DCAF1: variants seen among roughly 807,000 people sequenced by gnomAD.
DCAF1 encodes DDB1 and CUL4 associated factor 1.
Under a neutral mutation model 128.0 loss-of-function variants are expected in DCAF1, and 15 were observed. The observed-to-expected ratio is 0.12, with a 90% CI of 0.08 to 0.18. The LOEUF is 0.18. DCAF1 is among the 10% of genes least tolerant of loss of function. DCAF1 has a pLI of 1.00. For synonymous variants in DCAF1, 610 were observed against 603.0 expected, an observed-to-expected ratio of 1.01 and a Z score of -0.17; for missense variants, 988 against 1,649.5, an observed-to-expected ratio of 0.60 and a Z score of 6.95.
chr3:51,430,961 C>T (rs549323490), intron 10 of DCAF1, among the ~76,000 whole-genome samples: 4 of 152,256 alleles, frequency 2.6e-5, no homozygotes, highest in Non-Finnish European at 5.9e-5. Flanking sequence ...AGGAGCCCAT[C>T]GCTTTTCAAA....
intron 23 of DCAF1, among the ~76,000 whole-genome samples, chr3:51,410,507 A>ATAGCTAAATCTGAAAC: frequency 6.6e-6 from 1 of 151,952 alleles, no homozygotes; most frequent in East Asian, 1.9e-4. Context: ...AGTAAAACAC[A>ATAGCTAAATCTGAAAC]TAGCTAAATC....
intron 11 of DCAF1, 79 bp downstream of exon 11, chr3:51,429,954 T>C: frequency 1.4e-6 from 1 of 720,520 alleles, no homozygotes; most frequent in Non-Finnish European, 2.6e-6. Flanking sequence ...CTTCCTTTCT[T>C]CAAGGGTGTG....
At chr3:51,402,634 G>A (rs1313000329) in intron 24 of DCAF1, among the ~76,000 whole-genome samples, 1 of 138,820 alleles carries the variant, frequency 7.2e-6, no homozygotes, top group African/African-American at 2.8e-5. Flanking sequence ...GAGTGCAGTG[G>A]CACGATCTCG....
intron 18 of DCAF1, 49 bp downstream of exon 18, chr3:51,416,738 G>A (rs568074480): frequency 2.7e-5 from 43 of 1,567,486 alleles, no homozygotes; most frequent in Non-Finnish European, 3.7e-5. Flanking sequence ...ATTTCAGTAT[G>A]AACAAATGGG....
rs372337402 is a variant in DCAF1, at chr3:51,420,255, G to A, written c.2715C>T (p.Ile905=). 10 of 1,613,916 alleles carry A rather than the reference G, an allele frequency of 6.2e-6. No homozygotes were observed. The highest frequency in any genetic ancestry group is 1.7e-5 in the Admixed American group (1 of 60,006). The change falls in exon 15 of 25, where the codon ATC becomes ATT. Residue 905 remains isoleucine (I), a synonymous_variant. Transcript: ENST00000684031. This position sits in a 1 kb window ranked among gnomAD's most constrained non-coding sequence, Gnocchi z 6.5. ...CCAGACGAGTTGCAATGCCATTAGC[G>A]ATACGAGGGGTTCGGGGTAGAGAGA... ...SPVSLPRTPR[I]ANGIATRLGS...
intron 2 of DCAF1, among the ~76,000 whole-genome samples, chr3:51,487,638 C>G (rs1414414333): frequency 6.6e-6 from 1 of 152,020 alleles, no homozygotes; most frequent in African/African-American, 2.4e-5. Context: ...AATGTGGCAA[C>G]AATTTAACCA....
In DCAF1 at chr3:51,484,239, G is replaced by A. The variant is rs1169511280; in HGVS notation, c.-8-403C>T. On this transcript the variant is annotated intron_variant, in intron 2 of 24. Coordinates refer to ENST00000684031, the MANE Select transcript of DCAF1 (RefSeq NM_001387579.1). ...TGTAATCCCAGCACTTTGGGAGGCTGGGGCAGGTGGATCACCTGAGGTCAG... is the reference window on the plus strand; with the variant it reads ...TGTAATCCCAGCACTTTGGGAGGCTAGGGCAGGTGGATCACCTGAGGTCAG... Among the ~76,000 whole-genome samples, 3 of 152,146 alleles carry A rather than the reference G, an allele frequency of 2.0e-5. No individual in the cohort carries two copies. The East Asian group carries it at 5.8e-4, about 29-fold the overall frequency.
intron 2 of DCAF1, among the ~76,000 whole-genome samples, chr3:51,493,978 CAG>C (rs1312730140): frequency 7.2e-6 from 1 of 139,674 alleles, no homozygotes; most frequent in Non-Finnish European, 1.5e-5. Flanking sequence ...GCCTGGGCGA[CAG>C]AGCGAGATTC....
intron 9 of DCAF1, among the ~76,000 whole-genome samples, chr3:51,435,337 C>T (rs1700711465): frequency 6.6e-6 from 1 of 152,190 alleles, no homozygotes; most frequent in South Asian, 2.1e-4. Flanking sequence ...AGCTTCATCC[C>T]ACTGTGCAAA....
chr3:51,464,874 G>T (rs782235345), intron 5 of DCAF1, among the ~76,000 whole-genome samples: 24 of 152,132 alleles, frequency 1.6e-4, no homozygotes, highest in Non-Finnish European at 2.5e-4. Context: ...AACGTTGGAG[G>T]AGAGGAGGGC....
intron 18 of DCAF1, among the ~76,000 whole-genome samples, chr3:51,415,431 G>A (rs1698791405): frequency 6.6e-6 from 1 of 152,120 alleles, no homozygotes; most frequent in African/African-American, 2.4e-5. Context: ...GGCAGTCAAG[G>A]CTGTGGTGAG....
At chr3:51,433,077 A>C in intron 10 of DCAF1, 29 bp downstream of exon 10, 1 of 398,518 alleles carries the variant, frequency 2.5e-6, no homozygotes, top group South Asian at 1.3e-4. Flanking sequence ...ACCTAATCTC[A>C]TCCCCACAAA....
chr3:51,441,530 C>T lies in DCAF1; in HGVS notation c.881G>A (p.Arg294His), dbSNP rs983271767. ...KLGFSSSDPD[R>H]MFVELSNSSW... is the part of the protein sequence containing the mutation. The stretch of plus-strand genomic sequence containing the variant: ...GCTATTAGACAGCTCAACAAACATG[C>T]GATCTGGATCAGAAGATGAGAAACC... The change falls in exon 8 of 25, where the codon CGC becomes CAC. Residue 294 changes from arginine to histidine, a missense_variant. Arg to His is a conservative substitution (Grantham distance 29). This residue lies in a region of DCAF1 where 210 missense variants were observed against 260.2 expected (regional missense o/e 0.81). Coordinates refer to ENST00000684031, the MANE Select transcript of DCAF1 (RefSeq NM_001387579.1). The T allele has an allele frequency of 6.8e-6, 11 of 1,613,878 alleles. No homozygotes were observed. The highest frequency in any genetic ancestry group is 2.7e-5 in the African/African-American group (2 of 74,932).
At chr3:51,484,122 CT>C (rs1431135427) in intron 2 of DCAF1, among the ~76,000 whole-genome samples, 2 of 152,088 alleles carry the variant, frequency 1.3e-5, no homozygotes, top group Non-Finnish European at 2.9e-5. Flanking sequence ...GATTCTTAAC[CT>C]TTTGAGGAGT....
chr3:51,426,089 T>C (rs1252916514), intron 13 of DCAF1, among the ~76,000 whole-genome samples: 1 of 152,222 alleles, frequency 6.6e-6, no homozygotes, highest in Non-Finnish European at 1.5e-5. Flanking sequence ...GATGATGTGA[T>C]GTCACAAAAA....
At position 51,475,145 on chromosome 3, in the gene DCAF1, G is replaced by C. The variant is rs574444680; in HGVS notation, c.111-4140C>G. Among the ~76,000 whole-genome samples the C allele has an allele frequency of 5.9e-5, 9 of 151,586 alleles. No homozygotes were observed. In the South Asian group the frequency reaches 1.5e-3, roughly 25 times the overall value. ...GCATCTTGCTATGTTGCCCAGGCTG[G>C]TCTTGAACTCCTGGACTCAAGCAAT... On this transcript the variant is annotated intron_variant, in intron 3 of 24. Coordinates refer to ENST00000684031, the MANE Select transcript of DCAF1 (RefSeq NM_001387579.1).
chr3:51,398,904 C>A, intron 24 of DCAF1, 77 bp from the exon 25 acceptor site: 1 of 1,515,930 alleles, frequency 6.6e-7, no homozygotes, highest in Non-Finnish European at 8.9e-7. Flanking sequence ...CACCTGCACT[C>A]ACATACATTC....
At chr3:51,449,126 T>A (rs1286728332) in intron 6 of DCAF1, among the ~76,000 whole-genome samples, 1 of 152,142 alleles carries the variant, frequency 6.6e-6, no homozygotes, top group Non-Finnish European at 1.5e-5. Flanking sequence ...AATTAGAAAG[T>A]CACTTTGGAC....
chr3:51,477,025 A>C (rs1553650828), intron 3 of DCAF1, among the ~76,000 whole-genome samples: 1 of 151,072 alleles, frequency 6.6e-6, no homozygotes. Flanking sequence ...CAGAGGTTGC[A>C]GAGCCGAGAT....
Sources: allele counts gnomAD v4.1 joint callset (sites outside exome capture counted in the v4.1 genomes callset), GRCh38; gene constraint gnomAD v4.1.1; regional missense constraint gnomAD v4.1.1; non-coding constraint Gnocchi (gnomAD v3.1); transcripts MANE v1.5; gene names NCBI Gene and HGNC (gene_info 2026-07-23, HGNC 2026-07-21).